Variants in SLC38A7 observed in about 807,000 individuals in gnomAD.
SLC38A7 encodes the protein solute carrier family 38 member 7, also known as sodium-coupled neutral amino acid transporter 7.
A neutral mutation model predicts 50.1 loss-of-function variants in SLC38A7; 29 were observed. The observed-to-expected ratio is 0.58, with a 90% confidence interval of 0.43 to 0.79. The LOEUF is 0.79. SLC38A7 is among the 30% of genes least tolerant of loss of function. The probability of loss-of-function intolerance (pLI) is 0.00; values close to 1 mark genes in which losing one functional copy is unlikely to be tolerated. For synonymous variants in SLC38A7, 244 were observed against 245.9 expected (o/e 0.99, Z 0.07); for missense variants, 483 against 610.6 (o/e 0.79, Z 2.20).
At chr16:58,679,788 C>G in intron 3 of SLC38A7, 69 bp downstream of exon 3, 1 of 1,601,368 alleles carries the variant, frequency 6.2e-7, no homozygotes. Flanking sequence ...ATCCCTGACC[C>G]GAAGCCTCCC....
intron 1 of SLC38A7, 178 bp from the exon 2 acceptor site, chr16:58,684,356 A>T (rs1327452012): frequency 1.3e-5 from 2 of 152,408 alleles, no homozygotes; most frequent in Non-Finnish European, 2.9e-5. Flanking sequence ...GCCCTGAGAT[A>T]GAAAGGGTGG....
intron 9 of SLC38A7, chr16:58,671,847 A>G: frequency 2.7e-6 from 1 of 372,606 alleles, no homozygotes; most frequent in Non-Finnish European, 4.8e-6. Flanking sequence ...GGGTTTAGAG[A>G]CGTGAGCCAC....
intron 8 of SLC38A7, among the ~76,000 whole-genome samples, chr16:58,674,452 AT>A (rs1272042400): frequency 5.3e-5 from 8 of 151,680 alleles, no homozygotes; most frequent in Non-Finnish European, 2.9e-5. Context: ...TAATTTTTAA[AT>A]TTTTTGTAGA....
At chr16:58,675,577 G>A (rs930472268) in intron 8 of SLC38A7, among the ~76,000 whole-genome samples, 1 of 152,060 alleles carries the variant, frequency 6.6e-6, no homozygotes, top group Admixed American at 6.6e-5. Context: ...TCATCAGGAT[G>A]CTTGCCACCA....
chr16:58,667,539 G>A (rs770514515), intron 11 of SLC38A7, 52 bp from the exon 12 acceptor site: 16 of 1,372,932 alleles, frequency 1.2e-5, no homozygotes, highest in Non-Finnish European at 1.6e-5. Flanking sequence ...TCCCATGACT[G>A]CAGACTTCAA....
intron 8 of SLC38A7, 117 bp from the exon 9 acceptor site, chr16:58,672,360 A>G (rs1206336590): frequency 1.2e-5 from 14 of 1,133,292 alleles, no homozygotes; most frequent in Non-Finnish European, 1.6e-5. Flanking sequence ...GGACACTTAG[A>G]CGGAGGCTCA....
Position 58,676,335 on chromosome 16 carries a change from C to G in SLC38A7, c.722G>C (p.Trp241Ser). 6.2e-7 allele frequency: 1 copy of G among 1,614,186 alleles called. No individual in the cohort carries two copies. The highest frequency in any genetic ancestry group is 1.7e-5 in the Admixed American group (1 of 60,022). Residue 241 changes from tryptophan (W) to serine (S), a missense_variant, in exon 7 of 12, where the codon TGG (tryptophan) becomes TCG (serine). Physicochemically the swap from Trp to Ser is radical, Grantham distance 177 (BLOSUM62 -3). Transcript: ENST00000219320. ...GGGCATGGCATTGAACACAGCCATCCAGGAAGCCGGCCTGTGAACAAACAC... is the reference window on the plus strand; with the variant it reads ...GGGCATGGCATTGAACACAGCCATCGAGGAAGCCGGCCTGTGAACAAACAC... ...PGNILTRPAS[W>S]MAVFNAMPTI...
Position 58,679,991 on chromosome 16 carries a change from G to GT in SLC38A7, c.135_136insA (p.Leu46ThrfsTer67), listed in dbSNP as rs1170067246. The stretch of plus-strand genomic sequence containing the variant: ...AGTGTGGAAGTGGTGCCTCTGTCCA[G>GT]ACCCCCAGGAGAGGCTTCCCACTCA... On this transcript the variant is annotated frameshift_variant, in exon 3 of 12. Transcript: ENST00000219320. LOFTEE classifies it high-confidence loss of function. 2 of 1,612,444 alleles carry GT rather than the reference G, an allele frequency of 1.2e-6. No homozygotes were observed. Among genetic ancestry groups the GT allele is most frequent in the African/African-American group, 2.7e-5 (2 of 74,898 alleles).
intron 8 of SLC38A7, among the ~76,000 whole-genome samples, chr16:58,672,997 G>C (rs114558432): frequency 2.0e-5 from 3 of 151,068 alleles, no homozygotes; most frequent in Admixed American, 2.0e-4. Flanking sequence ...GCACGATCTC[G>C]GCTCAGTGCA....
At chr16:58,676,776 C>T (rs979635076) in intron 6 of SLC38A7, among the ~76,000 whole-genome samples, 30 of 152,208 alleles carry the variant, frequency 2.0e-4, no homozygotes, top group Middle Eastern at 3.4e-3. Context: ...CTCAGCCTCC[C>T]GAGTAGCTGC....
rs372860415 is a variant in SLC38A7 at position 58,672,160 on chromosome 16, C to A, written c.967G>T (p.Val323Phe). 6.4e-7 allele frequency: 1 copy of A among 1,565,812 alleles called. No individual in the cohort carries two copies. Among genetic ancestry groups the A allele is most frequent in the Admixed American group, 1.9e-5 (1 of 52,546 alleles). ...CTCAGGATGATGAAGGCTCGGGCAA[C>A]GGCCACGGCCATGTCCTCCGAGGGA... ...SYPSEDMAVA[V>F]ARAFIILSVL... Residue 323 changes from valine to phenylalanine, a missense_variant, in exon 9 of 12, where the codon GTT (valine) becomes TTT (phenylalanine). Physicochemically the swap from Val to Phe is conservative, Grantham distance 50. Transcript: ENST00000219320.
Position 58,680,220 on chromosome 16 carries a change from T to C in SLC38A7, c.-94A>G, listed in dbSNP as rs973684065. On this transcript the variant is annotated 5_prime_UTR_variant, in exon 3 of 12. Transcript: ENST00000219320. The stretch of plus-strand genomic sequence containing the variant: ...AGCAACACCCACCTGTTTGGGGCTG[T>C]TAGCTTAGGACTCTTCTCAACCTAG... 11 of 1,403,268 alleles carry C rather than the reference T, an allele frequency of 7.8e-6. No individual in the cohort carries two copies. The highest frequency in any genetic ancestry group is 1.0e-5 in the Non-Finnish European group (11 of 1,067,322). 86.9% of individuals were successfully genotyped at this position (1,403,268 alleles called of 1,614,324 possible).
At position 58,680,069 on chromosome 16, in the gene SLC38A7, C is replaced by A; in HGVS notation, c.58G>T (p.Gly20Trp). 1 of 1,575,070 alleles carries A rather than the reference C, an allele frequency of 6.3e-7. No individual in the cohort carries two copies. The highest frequency in any genetic ancestry group is 1.2e-5 in the South Asian group (1 of 84,658). The change falls in exon 3 of 12, where the codon GGG becomes TGG. Residue 20 changes from glycine to tryptophan, a missense_variant. By Grantham distance (184) the Gly-to-Trp change is radical. Transcript: ENST00000219320. ...YSEWDLSTDA[G>W]ERARLLQSPC... is the part of the protein sequence containing the mutation. The stretch of plus-strand genomic sequence containing the variant: ...CTCTGCAGCAGCCGAGCCCGCTCCC[C>A]GGCATCCGTGCTCAAGTCCCACTCG...
chr16:58,676,434 A>G (rs1336907760), intron 6 of SLC38A7, 88 bp from the exon 7 acceptor site: 1 of 1,423,086 alleles, frequency 7.0e-7, no homozygotes, highest in Non-Finnish European at 9.9e-7. Flanking sequence ...TCAGCCCACC[A>G]TGGTCTCCAG....
intron 9 of SLC38A7, chr16:58,671,728 CCTGG>C (rs1318033643): frequency 1.4e-5 from 3 of 211,028 alleles, no homozygotes; most frequent in African/African-American, 6.9e-5. Flanking sequence ...TCCCACCACA[CCTGG>C]CTATTTATTT....
At chr16:58,683,173 C>T (rs892113851) in intron 2 of SLC38A7, among the ~76,000 whole-genome samples, 9 of 152,230 alleles carry the variant, frequency 5.9e-5, no homozygotes, top group African/African-American at 9.6e-5. Flanking sequence ...GCCACAGCCC[C>T]CAGCCTGGTT....
At position 58,671,002 on chromosome 16, in the gene SLC38A7, T is replaced by C. The variant is rs75106692; in HGVS notation, c.1231+43A>G. 3.8e-4 allele frequency: 592 copies of C among 1,553,068 alleles called. 8 individuals carry two copies. The East Asian group carries it at 0.014, about 38-fold the overall frequency. On this transcript the variant is annotated intron_variant, in intron 10 of 11. Transcript: ENST00000219320. ...GCTGAGGCTAGGCAGGCCCTGGGAG[T>C]CTGTGCTGTGGGGCTGTGAGATGGG...
chr16:58,681,874 G>C (rs996409292), intron 2 of SLC38A7: 1 of 152,138 alleles, frequency 6.6e-6, no homozygotes, highest in African/African-American at 2.4e-5. Flanking sequence ...ACCAGAGCCT[G>C]GGCCGGGTGT....
intron 11 of SLC38A7, among the ~76,000 whole-genome samples, chr16:58,667,783 G>A (rs779838887): frequency 9.9e-5 from 15 of 151,954 alleles, no homozygotes; most frequent in Non-Finnish European, 1.9e-4. Flanking sequence ...CATGGAATGT[G>A]GTCTATTTCA....
Sources: gnomAD v4.1 joint callset for allele counts (sites outside exome capture counted in the v4.1 genomes callset) on GRCh38, gnomAD v4.1.1 for gene constraint, MANE v1.5 for transcripts, NCBI Gene and HGNC (gene_info 2026-07-23, HGNC 2026-07-21) for gene names.